PATL2: variants seen among roughly 807,000 people sequenced by gnomAD.
PATL2 encodes the protein protein PAT1 homolog 2.
A neutral mutation model predicts 77.0 loss-of-function variants in PATL2; 73 were observed. The ratio of observed to expected loss-of-function variants is 0.95; its 90% CI spans 0.78 to 1.15. PATL2 has a LOEUF of 1.15. PATL2 is among the 50% of genes most tolerant of loss of function. PATL2 has a pLI of 0.00. For missense variants in PATL2, 618 were observed against 655.4 expected (o/e 0.94, Z 0.62); for synonymous variants, 265 against 257.1 (o/e 1.03, Z -0.29).
chr15:44,672,014 C>A lies in PATL2; in HGVS notation c.657+1G>T. The A allele has an allele frequency of 6.4e-7, 1 of 1,551,670 alleles. No homozygotes were observed. The highest frequency in any genetic ancestry group is 8.7e-7 in the Non-Finnish European group (1 of 1,146,982). ...GCTGGGCTGAGTACTGCGGGGCTCA[C>A]CTGGTAATAGTAGTCATCCAGGCGG... On this transcript the variant is annotated splice_donor_variant, in intron 9 of 17. Coordinates refer to ENST00000682850, the MANE Select transcript of PATL2 (RefSeq NM_001387263.1). LOFTEE classifies it high-confidence loss of function.
rs1276030828 is a variant in PATL2, at chr15:44,668,360, G to A, written c.1347C>T (p.Thr449=). 31 of 1,550,814 alleles carry A rather than the reference G, an allele frequency of 2.0e-5. No individual in the cohort carries two copies. Among genetic ancestry groups the A allele is most frequent in the South Asian group, 3.6e-5 (3 of 84,018 alleles). The part of the protein sequence containing the change: ...LPPGSSERPV[T]VVLQNQFGIS... ...ATGTTACCTGATTCTGAAGCACCAC[G>A]GTGACTGGCCGCTCTGAGGAGCCAG... The change falls in exon 15 of 18, where the codon ACC becomes ACT. Residue 449 remains threonine (T), a synonymous_variant. Coordinates refer to ENST00000682850, the MANE Select transcript of PATL2 (RefSeq NM_001387263.1).
rs756878521 is a variant in PATL2 at position 44,672,191 on chromosome 15, C to A, written c.516-35G>T. On this transcript the variant is annotated intron_variant, in intron 8 of 17. Coordinates refer to ENST00000682850, the MANE Select transcript of PATL2 (RefSeq NM_001387263.1). ...AGGAGGAACAACCCTTTAGACTTAC[C>A]CACCACTGGCACTTCCTAAGGAGTG... 36 of 1,551,430 alleles carry A rather than the reference C, an allele frequency of 2.3e-5. No homozygotes were observed. The African/African-American group carries it at 4.7e-4, about 20-fold the overall frequency.
chr15:44,673,526 TG>T, intron 6 of PATL2, 149 bp from the exon 7 acceptor site: 1 of 1,017,146 alleles, frequency 9.8e-7, no homozygotes. Flanking sequence ...AAGGCAGCTT[TG>T]GGGGCACCAG....
intron 3 of PATL2, among the ~76,000 whole-genome samples, chr15:44,683,714 C>T (rs1364853427): frequency 9.2e-5 from 14 of 152,176 alleles, no homozygotes; most frequent in African/African-American, 7.2e-5. Flanking sequence ...AAGAGAGCAG[C>T]GGATCTCCCA....
At chr15:44,701,137 A>AT (rs375255421) in intron 3 of PATL2, among the ~76,000 whole-genome samples, 35 of 149,958 alleles carry the variant, frequency 2.3e-4, no homozygotes, top group Non-Finnish European at 4.3e-4. Flanking sequence ...ATGATGAATG[A>AT]TTTTTTTTTT....
At chr15:44,683,618 T>A (rs1304609027) in intron 3 of PATL2, among the ~76,000 whole-genome samples, 7 of 152,090 alleles carry the variant, frequency 4.6e-5, no homozygotes. Context: ...AACTCCCATC[T>A]CCCTGGGACA....
In PATL2 at chr15:44,670,065, T is replaced by G; in HGVS notation, c.680A>C (p.Lys227Thr). 1 of 1,551,648 alleles carries G rather than the reference T, an allele frequency of 6.4e-7. No individual in the cohort carries two copies. Among genetic ancestry groups the G allele is most frequent in the Non-Finnish European group, 8.7e-7 (1 of 1,146,978 alleles). ...AAGTAGCTCTTCGTCTGCCTGCTTC[T>G]TCTCTAGCTTCTGGTAATATTCCTG... is the stretch of plus-strand genomic sequence containing the variant. The part of the protein sequence containing the change: ...YYQEYYQKLE[K>T]KQADEELLGR... The change falls in exon 10 of 18, where the codon AAG becomes ACG. Residue 227 changes from lysine (K) to threonine (T), a missense_variant. Coordinates refer to ENST00000682850, the MANE Select transcript of PATL2 (RefSeq NM_001387263.1).
At chr15:44,671,987 A>AG in intron 9 of PATL2, 28 bp downstream of exon 9, 4 of 1,550,840 alleles carry the variant, frequency 2.6e-6, no homozygotes, top group Non-Finnish European at 3.5e-6. Context: ...CCAAGGTCAG[A>AG]GGCTGGGCTG....
At chr15:44,680,812 CAT>C (rs1423594754) in intron 3 of PATL2, among the ~76,000 whole-genome samples, 1 of 152,184 alleles carries the variant, frequency 6.6e-6, no homozygotes, top group Non-Finnish European at 1.5e-5. Flanking sequence ...GACAAACAGA[CAT>C]AATCTCCATA....
intron 17 of PATL2, 28 bp downstream of exon 17, chr15:44,666,364 C>CTTTGGGG: frequency 6.4e-7 from 1 of 1,551,118 alleles, no homozygotes; most frequent in South Asian, 1.2e-5. Flanking sequence ...GAACAAGGGG[C>CTTTGGGG]TTTGACCTTG....
chr15:44,676,832 C>T, intron 3 of PATL2: 1 of 1,129,826 alleles, frequency 8.9e-7, no homozygotes, highest in Non-Finnish European at 1.1e-6. Flanking sequence ...CAGTCACCGT[C>T]CGAGTGTGGT....
At chr15:44,666,029 G>A in intron 17 of PATL2, 58 bp from the exon 18 acceptor site, 1 of 1,405,860 alleles carries the variant, frequency 7.1e-7, no homozygotes, top group Non-Finnish European at 9.7e-7. Context: ...GTATTTATAT[G>A]ATTTAATTAG....
intron 3 of PATL2, among the ~76,000 whole-genome samples, chr15:44,683,310 C>T (rs1050826174): frequency 6.6e-6 from 1 of 152,202 alleles, no homozygotes; most frequent in African/African-American, 2.4e-5. Flanking sequence ...ATCCCACCCC[C>T]ACAGAGCCCA....
At chr15:44,679,057 C>T (rs530719351) in intron 3 of PATL2, among the ~76,000 whole-genome samples, 1 of 151,912 alleles carries the variant, frequency 6.6e-6, no homozygotes, top group African/African-American at 2.4e-5. Flanking sequence ...TCTCTCCTGC[C>T]CCCTTTCATT....
At chr15:44,706,393 G>A (rs2086736919) in intron 3 of PATL2, among the ~76,000 whole-genome samples, 1 of 152,220 alleles carries the variant, frequency 6.6e-6, no homozygotes, top group Non-Finnish European at 1.5e-5. Context: ...GCACAGAAAT[G>A]CTGTGGCTCT....
At chr15:44,702,888 G>T (rs1350170672) in intron 3 of PATL2, among the ~76,000 whole-genome samples, 1 of 151,978 alleles carries the variant, frequency 6.6e-6, no homozygotes, top group Non-Finnish European at 1.5e-5. Context: ...GACTTATTTT[G>T]TGGTCTAACA....
At chr15:44,696,752 AT>A (rs918751907) in intron 3 of PATL2, among the ~76,000 whole-genome samples, 3 of 151,492 alleles carry the variant, frequency 2.0e-5, no homozygotes, top group African/African-American at 7.3e-5. Flanking sequence ...TTTGTGTTCT[AT>A]TTTTTTGGGG....
At position 44,666,522 on chromosome 15, in the gene PATL2, T is replaced by A. The variant is rs1363588081; in HGVS notation, c.1483A>T (p.Ile495Phe). ...GGCATTTGGGCTATCTCCCAGGCAA[T>A]CAGAACCACCATGTCTGTCCTAGAG... ...HTAWTDMVVL[I>F]AWEIAQMPTA... The change falls in exon 17 of 18, where the codon ATT (isoleucine) becomes TTT (phenylalanine). Residue 495 changes from isoleucine to phenylalanine, a missense_variant. By Grantham distance (21) the Ile-to-Phe change is conservative. Transcript: ENST00000682850. 3 of 1,550,738 alleles carry A rather than the reference T, an allele frequency of 1.9e-6. No homozygotes were observed. Among genetic ancestry groups the A allele is most frequent in the South Asian group, 2.4e-5 (2 of 83,976 alleles).
Position 44,669,401 on chromosome 15 carries a change from A to C in PATL2, c.943T>G (p.Leu315Val), listed in dbSNP as rs2085548691. The C allele has an allele frequency of 1.9e-6, 3 of 1,550,230 alleles. No individual in the cohort carries two copies. Among genetic ancestry groups the C allele is most frequent in the Non-Finnish European group, 2.6e-6 (3 of 1,145,852 alleles). ...LYRIEKMFLQ[L>V]LEIEEGWKYR... ...TTCCAGCCTTCCTCTATTTCTAGTA[A>C]CTGAAGGAACATCTGGGAATTTGAG... The change falls in exon 13 of 18, where the codon TTA becomes GTA. Residue 315 changes from leucine to valine, a missense_variant. By Grantham distance (32) the Leu-to-Val change is conservative. Transcript: ENST00000682850.
Sources: allele counts gnomAD v4.1 joint callset (sites outside exome capture counted in the v4.1 genomes callset), GRCh38; gene constraint gnomAD v4.1.1; transcripts MANE v1.5; gene names NCBI Gene and HGNC (gene_info 2026-07-23, HGNC 2026-07-21).